FSCN2: variants seen among roughly 807,000 people sequenced by gnomAD.
FSCN2 encodes the protein fascin actin-bundling protein 2, retinal, also known as fascin-2.
Under a neutral mutation model 37.8 loss-of-function variants are expected in FSCN2, and 46 were observed. The ratio of observed to expected loss-of-function variants is 1.22; its 90% CI spans 0.96 to 1.56. The LOEUF (loss-of-function observed/expected upper bound fraction) is 1.56. FSCN2 is among the 40% of genes most tolerant of loss of function. The pLI is 0.00. For missense variants in FSCN2, 844 were observed against 730.4 expected (o/e 1.16, Z -1.79); for synonymous variants, 351 against 309.4 (o/e 1.13, Z -1.41).
chr17:81,522,862 A>G, the FSCN2 span, among the ~76,000 whole-genome samples: 3 of 152,264 alleles, frequency 2.0e-5, no homozygotes, highest in South Asian at 4.1e-4. Flanking sequence ...TGGGATTTTC[A>G]TGAACACTCT....
the FSCN2 span, among the ~76,000 whole-genome samples, chr17:81,515,794 T>C: frequency 6.6e-6 from 1 of 152,280 alleles, no homozygotes; most frequent in Admixed American, 6.5e-5. Context: ...TCCCCACCCC[T>C]AGCCTTTGCC....
chr17:81,536,536 G>A lies in FSCN2; in HGVS notation c.1106-86G>A, dbSNP rs781681191. On this transcript the variant is annotated intron_variant, in intron 3 of 4. Transcript: ENST00000417245. The stretch of plus-strand genomic sequence containing the variant: ...CAGGCCTGGGTCCCTAAGTCCAGGT[G>A]TGGCGTTTCCCAGGGCCCCCACCCC... 11 of 1,570,224 alleles carry A rather than the reference G, an allele frequency of 7.0e-6. 1 individual carries two copies. In the Admixed American group the frequency reaches 1.8e-4, roughly 26 times the overall value.
At position 81,535,218 on chromosome 17, in the gene FSCN2, C is replaced by T. The variant is rs573355262; in HGVS notation, c.983+10C>T. The T allele has an allele frequency of 2.0e-6, 3 of 1,521,550 alleles. No homozygotes were observed. Among genetic ancestry groups the T allele is most frequent in the African/African-American group, 1.4e-5 (1 of 72,418 alleles). The allele number at this position is 1,521,550 out of a possible 1,614,324, so 94.3% of individuals were successfully genotyped here. On this transcript the variant is annotated intron_variant, in intron 2 of 4. Transcript: ENST00000417245. ...CCACAGCCACACAAGTGTGAGTGCACACATCCCTTCCTCCTCCATCATCCC... is the reference window on the plus strand; with the variant it reads ...CCACAGCCACACAAGTGTGAGTGCATACATCCCTTCCTCCTCCATCATCCC...
rs919258681 is a variant in FSCN2 at position 81,529,223 on chromosome 17, C to T, written c.692C>T (p.Pro231Leu). 1.3e-6 allele frequency: 2 copies of T among 1,599,350 alleles called. No homozygotes were observed. The highest frequency in any genetic ancestry group is 1.7e-6 in the Non-Finnish European group (2 of 1,173,050). Reference sequence around the variant, plus strand: ...GACTGCGACGGCCACTACCTGGCACCCGTGGGGCCCGCAGGCACCCTCAAG... The same window carrying T: ...GACTGCGACGGCCACTACCTGGCACTCGTGGGGCCCGCAGGCACCCTCAAG... ...FKDCDGHYLA[P>L]VGPAGTLKAG... Residue 231 changes from proline to leucine, a missense_variant, in exon 1 of 5, where the codon CCC becomes CTC. Pro to Leu is a moderately conservative substitution (Grantham distance 98). Coordinates refer to ENST00000417245, the MANE Select transcript of FSCN2 (RefSeq NM_012418.4).
chr17:81,531,216 GTGATGGTGATAATGGTGA>G (rs2032545396), intron 1 of FSCN2, among the ~76,000 whole-genome samples: 1 of 96,176 alleles, frequency 1.0e-5, no homozygotes, highest in Non-Finnish European at 2.1e-5. Context: ...GGTGATGGTG[GTGATGGTGATAATGGTGA>G]TGGTGGTGAT....
chr17:81,518,474 G>A, the FSCN2 span, among the ~76,000 whole-genome samples: 1 of 152,110 alleles, frequency 6.6e-6, no homozygotes, highest in Non-Finnish European at 1.5e-5. Context: ...TCCCAGCCCT[G>A]GAGGAGGGAG....
At chr17:81,526,168 G>A (rs1555670073), upstream of FSCN2, among the ~76,000 whole-genome samples, 1 of 152,226 alleles carries the variant, frequency 6.6e-6, no homozygotes, top group Non-Finnish European at 1.5e-5. Flanking sequence ...CGCTAATGAG[G>A]CCGTCGTGCC....
upstream of FSCN2, chr17:81,527,006 C>CGTGGGGACA (rs2032371270): frequency 1.3e-5 from 2 of 152,170 alleles, no homozygotes; most frequent in East Asian, 1.9e-4. Context: ...GGCCCCTGAG[C>CGTGGGGACA]GTGGGGACAG....
Position 81,529,147 on chromosome 17 carries a change from C to A in FSCN2, c.616C>A (p.Pro206Thr), listed in dbSNP as rs782121466. 1 of 1,584,864 alleles carries A rather than the reference C, an allele frequency of 6.3e-7. No homozygotes were observed. The highest frequency in any genetic ancestry group is 8.6e-7 in the Non-Finnish European group (1 of 1,167,072). The change falls in exon 1 of 5, where the codon CCC becomes ACC. Residue 206 changes from proline (P) to threonine (T), a missense_variant. By Grantham distance (38) the Pro-to-Thr change is conservative. Coordinates refer to ENST00000417245, the MANE Select transcript of FSCN2 (RefSeq NM_012418.4). ...CGGCCGTCTGGTCTGGGAGCCTGAG[C>A]CCCGTGCCTGCTACACGCTGGAGTT... ...SDGRLVWEPE[P>T]RACYTLEFKA...
At chr17:81,534,712 T>TG (rs1285617673) in intron 1 of FSCN2, among the ~76,000 whole-genome samples, 1 of 151,738 alleles carries the variant, frequency 6.6e-6, no homozygotes, top group Non-Finnish European at 1.5e-5. Context: ...AAATAGAGGC[T>TG]GGGGTAAGCC....
At chr17:81,524,893 TCACACACACACACA>T (rs138139508), upstream of FSCN2, among the ~76,000 whole-genome samples, 4 of 122,710 alleles carry the variant, frequency 3.3e-5, no homozygotes, top group African/African-American at 5.6e-5. Flanking sequence ...ATGAGCACCT[TCACACACACACACA>T]CACACACACA....
chr17:81,517,824 C>T, the FSCN2 span, among the ~76,000 whole-genome samples: 1 of 145,388 alleles, frequency 6.9e-6, no homozygotes, highest in African/African-American at 2.5e-5. Context: ...GTTTGTGTTT[C>T]CCCTCAGGGT....
At chr17:81,521,489 C>G in the FSCN2 span, among the ~76,000 whole-genome samples, 1 of 151,974 alleles carries the variant, frequency 6.6e-6, no homozygotes, top group Non-Finnish European at 1.5e-5. Context: ...TCAGCCCTCT[C>G]CATCCCCCAG....
chr17:81,536,684 G>A lies in FSCN2; in HGVS notation c.1168G>A (p.Asp390Asn), dbSNP rs1483799166. 3 of 1,611,104 alleles carry A rather than the reference G, an allele frequency of 1.9e-6. No individual in the cohort carries two copies. The highest frequency in any genetic ancestry group is 2.5e-6 in the Non-Finnish European group (3 of 1,179,520). Residue 390 changes from aspartate to asparagine, a missense_variant, in exon 4 of 5, where the codon GAC becomes AAC. Physicochemically the swap from Asp to Asn is conservative, Grantham distance 23. Coordinates refer to ENST00000417245, the MANE Select transcript of FSCN2 (RefSeq NM_012418.4). ...NRPILVLRGL[D>N]GFVCHHRGSN... ...GCCCATCCTGGTGCTGCGCGGCCTG[G>A]ACGGCTTCGTCTGCCACCACCGCGG...
At chr17:81,521,749 C>T in the FSCN2 span, among the ~76,000 whole-genome samples, 45,295 of 152,040 alleles carry the variant, frequency 0.3, 7,651 homozygotes, top group Non-Finnish European at 0.39. Flanking sequence ...TATTTCTGAG[C>T]CCTTTGGAAG....
At chr17:81,530,169 G>T (rs372181861) in intron 1 of FSCN2, 3 of 283,332 alleles carry the variant, frequency 1.1e-5, no homozygotes, top group South Asian at 3.9e-5. Flanking sequence ...GGGAGCTGGG[G>T]ATCGGGCGGG....
the FSCN2 span, among the ~76,000 whole-genome samples, chr17:81,520,538 G>A: frequency 7.9e-5 from 12 of 152,372 alleles, no homozygotes; most frequent in African/African-American, 2.9e-4. Flanking sequence ...GTGAGCCCCC[G>A]AGTCAGTGTT....
At position 81,536,141 on chromosome 17, in the gene FSCN2, T is replaced by C. The variant is rs1418529108; in HGVS notation, c.984-5T>C. On this transcript the variant is annotated splice_region_variant and splice_polypyrimidine_tract_variant and intron_variant, in intron 2 of 4. Coordinates refer to ENST00000417245, the MANE Select transcript of FSCN2 (RefSeq NM_012418.4). ...CCTGAGGAGACCTTTTGCTGCTCCC[T>C]CCAGTTCTGCCAACACCATGTTTGA... 1 of 1,606,782 alleles carries C rather than the reference T, an allele frequency of 6.2e-7. No individual in the cohort carries two copies. Among genetic ancestry groups the C allele is most frequent in the South Asian group, 1.1e-5 (1 of 89,628 alleles).
At chr17:81,522,602 G>C in the FSCN2 span, among the ~76,000 whole-genome samples, 5 of 152,350 alleles carry the variant, frequency 3.3e-5, no homozygotes, top group South Asian at 6.2e-4. Flanking sequence ...TGGTTCTTAC[G>C]TGACTGAACT....
Sources: allele counts gnomAD v4.1 joint callset (sites outside exome capture counted in the v4.1 genomes callset), GRCh38; gene constraint gnomAD v4.1.1; transcripts MANE v1.5; gene names NCBI Gene and HGNC (gene_info 2026-07-23, HGNC 2026-07-21).